AGAP1: variants seen among roughly 807,000 people sequenced by gnomAD.
AGAP1 encodes the protein ArfGAP with GTPase domain, ankyrin repeat and PH domain 1.
AGAP1 carries 29 observed loss-of-function variants against 105.3 expected under a neutral mutation model. That is an observed-to-expected ratio of 0.28 (90% confidence interval 0.21 to 0.38). The LOEUF is 0.38. Among genes scored for constraint, AGAP1 ranks in the 10% least tolerant of loss-of-function variants. The pLI, the probability that AGAP1 is intolerant of heterozygous loss-of-function variation, is 1.00. For missense variants in AGAP1, 998 were observed against 1,165.1 expected, an observed-to-expected ratio of 0.86 and a Z score of 2.09; for synonymous variants, 509 against 485.9, an observed-to-expected ratio of 1.05 and a Z score of -0.63.
rs1157094621 is a variant in AGAP1, at chr2:235,963,672, A to T, written c.1484-4790A>T. 6.6e-6 allele frequency among the ~76,000 whole-genome samples: 1 copy of T among 152,156 alleles called. No individual in the cohort carries two copies. The highest frequency in any genetic ancestry group is 2.4e-5 in the African/African-American group (1 of 41,430). On this transcript the variant is annotated intron_variant, in intron 12 of 17. Coordinates refer to ENST00000304032, the MANE Select transcript of AGAP1 (RefSeq NM_001037131.3). The surrounding 1 kb of genome is among the most constrained non-coding windows in gnomAD (Gnocchi z 5.1). ...AGAATCTTCCAGGAGCGGATGGTGC[A>T]TGTTAAGGTGGGAAGCTCTATCTTG...
rs2059998641 is a variant in AGAP1 at position 236,125,984 on chromosome 2, TC to T, written c.*1863del. ...AGCCTCCGGGGTGTTCCTCGCTCTC[TC>T]GTATGTTAAACCTTATATTTTATAA... On this transcript the variant is annotated 3_prime_UTR_variant, in exon 18 of 18. Transcript: ENST00000304032. The surrounding 1 kb of genome is among the most constrained non-coding windows in gnomAD (Gnocchi z 5.2). The T allele has an allele frequency of 1.6e-4, 24 of 149,352 alleles. No homozygotes were observed. Among genetic ancestry groups the T allele is most frequent in the Non-Finnish European group, 2.2e-4 (15 of 67,376 alleles). The allele number at this position is 149,352 out of a possible 1,614,324, so 9.3% of individuals were successfully genotyped here. A position where few individuals can be genotyped will look rare whatever the true frequency, so the allele number is the denominator to read the frequency against.
intron 1 of AGAP1, among the ~76,000 whole-genome samples, chr2:235,518,257 T>A (rs907335827): frequency 6.6e-6 from 1 of 152,228 alleles, no homozygotes; most frequent in Non-Finnish European, 1.5e-5. Context: ...TTTGATTGAT[T>A]GGATGCTTAT....
intron 6 of AGAP1, among the ~76,000 whole-genome samples, chr2:235,786,761 T>A (rs1157646224): frequency 6.6e-6 from 1 of 152,226 alleles, no homozygotes; most frequent in Non-Finnish European, 1.5e-5. Flanking sequence ...AGAGCACAGC[T>A]CTCTTACTCT....
At chr2:236,016,852 A>G (rs1334899855) in intron 13 of AGAP1, among the ~76,000 whole-genome samples, 1 of 152,036 alleles carries the variant, frequency 6.6e-6, no homozygotes, top group Non-Finnish European at 1.5e-5. Flanking sequence ...CATTTTTCTC[A>G]GTTATAGTAA....
In AGAP1 at chr2:236,020,163, C is replaced by A. The variant is rs138834884; in HGVS notation, c.1646-16398C>A. Among the ~76,000 whole-genome samples, 882 of 152,296 alleles carry A rather than the reference C, an allele frequency of 5.8e-3. 5 individuals carry two copies. The highest frequency in any genetic ancestry group is 0.02 in the African/African-American group (832 of 41,566). The stretch of plus-strand genomic sequence containing the variant: ...CCACCTATAAACTGGGGTGATGACA[C>A]CCACTGCACAGGGTTGTGGGGAGGA... On this transcript the variant is annotated intron_variant, in intron 13 of 17. Transcript: ENST00000304032. This position sits in a 1 kb window ranked among gnomAD's most constrained non-coding sequence, Gnocchi z 5.0.
rs55990003 is a variant in AGAP1 at position 235,651,184 on chromosome 2, C to CAAAAAAAAAAAAAA, written c.164-57975_164-57962dup. Among the ~76,000 whole-genome samples, 15 of 54,150 alleles carry CAAAAAAAAAAAAAA rather than the reference C, an allele frequency of 2.8e-4. 1 individual carries two copies. Among genetic ancestry groups the CAAAAAAAAAAAAAA allele is most frequent in the Admixed American group, 3.7e-4 (1 of 2,712 alleles). The allele number at this position is 54,150 out of a possible 152,430, so 35.5% of individuals were successfully genotyped here. ...AGAGTGACAGAGTGAAACTCCATCTCAAAAAAAAAAAAAAAAAAAAAAAAA... is the reference window on the plus strand; with the variant it reads ...AGAGTGACAGAGTGAAACTCCATCTCAAAAAAAAAAAAAAAAAAAAAAAAAAAAAAAAAAAAAAA... On this transcript the variant is annotated intron_variant, in intron 1 of 17. Coordinates refer to ENST00000304032, the MANE Select transcript of AGAP1 (RefSeq NM_001037131.3).
chr2:235,664,334 C>G lies in AGAP1; in HGVS notation c.164-44845C>G, dbSNP rs1310599368. On this transcript the variant is annotated intron_variant, in intron 1 of 17. Transcript: ENST00000304032. This position sits in a 1 kb window ranked among gnomAD's most constrained non-coding sequence, Gnocchi z 5.7. ...TCAAGCGATTTCCCTACCTCAGCCC[C>G]CCAGGTAGCTGGGATTACAGGTGCA... Among the ~76,000 whole-genome samples the G allele has an allele frequency of 1.3e-5, 2 of 152,040 alleles. No individual in the cohort carries two copies. Among genetic ancestry groups the G allele is most frequent in the African/African-American group, 4.8e-5 (2 of 41,364 alleles).
chr2:236,130,552 A>G lies in AGAP1; in HGVS notation c.*6430A>G, dbSNP rs1413188409. 6.6e-6 allele frequency: 1 copy of G among 152,182 alleles called. No homozygotes were observed. The highest frequency in any genetic ancestry group is 2.4e-5 in the African/African-American group (1 of 41,416). 9.4% of individuals were successfully genotyped at this position (152,182 alleles called of 1,614,324 possible). On this transcript the variant is annotated 3_prime_UTR_variant, in exon 18 of 18. Transcript: ENST00000304032. This position sits in a 1 kb window ranked among gnomAD's most constrained non-coding sequence, Gnocchi z 5.8. ...ACAGTCTACACTGGCCCAGGAAGCT[A>G]ACGTCTGAGCCGCTTGGAGAGCTTT...
chr2:235,715,144 C>T (rs1005233557), intron 2 of AGAP1, among the ~76,000 whole-genome samples: 5 of 152,200 alleles, frequency 3.3e-5, no homozygotes, highest in Admixed American at 2.0e-4. Context: ...ACTTAACCAA[C>T]GTTCCTTCCT....
chr2:235,653,332 C>A lies in AGAP1; in HGVS notation c.164-55847C>A, dbSNP rs374362135. 1.8e-4 allele frequency among the ~76,000 whole-genome samples: 28 copies of A among 151,758 alleles called. No individual in the cohort carries two copies. In the East Asian group the frequency reaches 5.5e-3, roughly 30 times the overall value. On this transcript the variant is annotated intron_variant, in intron 1 of 17. Coordinates refer to ENST00000304032, the MANE Select transcript of AGAP1 (RefSeq NM_001037131.3). The stretch of plus-strand genomic sequence containing the variant: ...TAAAAAAATTAGCCTGGTGTGGTGG[C>A]GGGCACCTGTGGTCCCAGCTACTCG...
chr2:235,742,425 T>C (rs890617977), intron 4 of AGAP1, among the ~76,000 whole-genome samples: 1 of 152,238 alleles, frequency 6.6e-6, no homozygotes, highest in Non-Finnish European at 1.5e-5. Context: ...TTAAAGTGTG[T>C]AACATTTTGT....
Position 235,721,123 on chromosome 2 carries a change from G to A in AGAP1, c.310+3479G>A, listed in dbSNP as rs1710821. 1.1e-4 allele frequency among the ~76,000 whole-genome samples: 17 copies of A among 151,954 alleles called. No individual in the cohort carries two copies. The highest frequency in any genetic ancestry group is 3.4e-4 in the African/African-American group (14 of 41,358). On this transcript the variant is annotated intron_variant, in intron 3 of 17. Coordinates refer to ENST00000304032, the MANE Select transcript of AGAP1 (RefSeq NM_001037131.3). This position sits in a 1 kb window ranked among gnomAD's most constrained non-coding sequence, Gnocchi z 4.5. ...CCAGGATTCAAGTGATCCTCCTGCC[G>A]CAGCCTCCTGAGTAGCTGGGATTAC...
chr2:235,636,907 T>C (rs1947021283), intron 1 of AGAP1, among the ~76,000 whole-genome samples: 1 of 152,138 alleles, frequency 6.6e-6, no homozygotes, highest in Non-Finnish European at 1.5e-5. Context: ...GCTGCGGTAA[T>C]GCTTCTACAA....
chr2:236,103,813 A>G (rs2059418379), intron 16 of AGAP1, among the ~76,000 whole-genome samples: 1 of 151,930 alleles, frequency 6.6e-6, no homozygotes, highest in African/African-American at 2.4e-5. Flanking sequence ...GTGGTCTGCC[A>G]ACCTCGGCCT....
rs1575811139 is a variant in AGAP1, at chr2:235,931,321, A to G, written c.1483+398A>G. Among the ~76,000 whole-genome samples, 1 of 152,088 alleles carries G rather than the reference A, an allele frequency of 6.6e-6. No individual in the cohort carries two copies. ...CCACACTCTTCCACCACTAGTGCAC[A>G]TTTTATATCATTAGGGTGAATTCAG... On this transcript the variant is annotated intron_variant, in intron 12 of 17. Coordinates refer to ENST00000304032, the MANE Select transcript of AGAP1 (RefSeq NM_001037131.3). The surrounding 1 kb of genome is among the most constrained non-coding windows in gnomAD (Gnocchi z 5.6).
intron 13 of AGAP1, among the ~76,000 whole-genome samples, chr2:235,998,070 C>T (rs1012678898): frequency 6.6e-6 from 1 of 152,146 alleles, no homozygotes; most frequent in Non-Finnish European, 1.5e-5. Context: ...AAAGGATTGA[C>T]CAACTTTGAG....
chr2:236,061,460 CTG>C lies in AGAP1; in HGVS notation c.2114+12182_2114+12183del, dbSNP rs2058193008. Among the ~76,000 whole-genome samples the C allele has an allele frequency of 6.6e-6, 1 of 152,240 alleles. No individual in the cohort carries two copies. Among genetic ancestry groups the C allele is most frequent in the South Asian group, 2.1e-4 (1 of 4,834 alleles). On this transcript the variant is annotated intron_variant, in intron 16 of 17. Transcript: ENST00000304032. This position sits in a 1 kb window ranked among gnomAD's most constrained non-coding sequence, Gnocchi z 4.1. ...AAGTGAAAGTAACCCAGGTGTCCCT[CTG>C]TGGATGAATGGGTGAACAAAACATG...
rs1410463091 is a variant in AGAP1, at chr2:236,027,503, T to C, written c.1646-9058T>C. On this transcript the variant is annotated intron_variant, in intron 13 of 17. Transcript: ENST00000304032. This position sits in a 1 kb window ranked among gnomAD's most constrained non-coding sequence, Gnocchi z 4.4. ...TGCGCTGAGCATGTAGGGTTCCATCTCCCGCCTCTGCCCTGCCTCCCCCAG... is the reference window on the plus strand; with the variant it reads ...TGCGCTGAGCATGTAGGGTTCCATCCCCCGCCTCTGCCCTGCCTCCCCCAG... Among the ~76,000 whole-genome samples the C allele has an allele frequency of 6.6e-6, 1 of 152,046 alleles. No homozygotes were observed. The highest frequency in any genetic ancestry group is 2.4e-5 in the African/African-American group (1 of 41,404).
chr2:235,944,511 C>T (rs1297690638), intron 12 of AGAP1, among the ~76,000 whole-genome samples: 1 of 152,218 alleles, frequency 6.6e-6, no homozygotes, highest in Non-Finnish European at 1.5e-5. Flanking sequence ...TCTTTATGTA[C>T]TTCCACATTT....
Sources: gnomAD v4.1 joint callset for allele counts (sites outside exome capture counted in the v4.1 genomes callset) on GRCh38, gnomAD v4.1.1 for gene constraint, Gnocchi (gnomAD v3.1) non-coding constraint, MANE v1.5 for transcripts, NCBI Gene and HGNC (gene_info 2026-07-23, HGNC 2026-07-21) for gene names.